GJC1: variants seen among roughly 807,000 people sequenced by gnomAD.
GJC1 encodes gap junction protein gamma 1.
GJC1 carries 5 observed loss-of-function variants against 29.3 expected under a neutral mutation model. That is an observed-to-expected ratio of 0.17 (90% CI 0.09 to 0.36). The LOEUF is 0.36. Ranked by LOEUF, GJC1 falls within the 10% of genes least tolerant of loss-of-function variation. The pLI, the probability that GJC1 is intolerant of heterozygous loss-of-function variation, is 1.00. For missense variants in GJC1, 310 were observed against 496.2 expected (o/e 0.62, Z 3.56); for synonymous variants, 177 against 183.3 (o/e 0.97, Z 0.28).
chr17:44,825,071 G>T lies in GJC1; in HGVS notation c.-97+4991C>A, dbSNP rs1472984791. On this transcript the variant is annotated intron_variant, in intron 1 of 2. Coordinates refer to ENST00000592524, the MANE Select transcript of GJC1 (RefSeq NM_005497.4). Reference sequence around the variant, plus strand: ...CAAAAAAAATTTTAAAATTAACTGGGCGTGGTGGCGGTGTGGGCCTGTGGT... The same window carrying T: ...CAAAAAAAATTTTAAAATTAACTGGTCGTGGTGGCGGTGTGGGCCTGTGGT... 7.3e-5 allele frequency among the ~76,000 whole-genome samples: 11 copies of T among 151,066 alleles called. No homozygotes were observed. In the East Asian group the frequency reaches 2.1e-3, roughly 29 times the overall value.
At chr17:44,823,637 A>C (rs185803262) in intron 1 of GJC1, among the ~76,000 whole-genome samples, 1 of 151,686 alleles carries the variant, frequency 6.6e-6, no homozygotes, top group East Asian at 1.9e-4. Flanking sequence ...TCCTGGACTC[A>C]AGCAATCCTC....
At chr17:44,820,848 T>C (rs999381348) in intron 1 of GJC1, among the ~76,000 whole-genome samples, 6 of 152,212 alleles carry the variant, frequency 3.9e-5, no homozygotes, top group Admixed American at 1.3e-4. Flanking sequence ...TGAGTGATAA[T>C]AGATGTTTAA....
chr17:44,819,707 A>T (rs922034876), intron 1 of GJC1, among the ~76,000 whole-genome samples: 17 of 145,900 alleles, frequency 1.2e-4, no homozygotes, highest in African/African-American at 4.4e-4. Flanking sequence ...AATAAATAAA[A>T]AGAATTTCCT....
At chr17:44,830,682 C>T, upstream of GJC1, 1 of 398,622 alleles carries the variant, frequency 2.5e-6, no homozygotes, top group African/African-American at 2.1e-5. This position sits in a 1 kb window ranked among gnomAD's most constrained non-coding sequence, Gnocchi z 4.3. Context: ...TTGTCTTCTG[C>T]GCGCTCCGCC....
intron 1 of GJC1, among the ~76,000 whole-genome samples, chr17:44,809,404 G>A (rs2049947795): frequency 1.3e-5 from 2 of 152,082 alleles, no homozygotes; most frequent in Non-Finnish European, 2.9e-5. Flanking sequence ...TGTAAGCCAG[G>A]TTTCCAACAT....
chr17:44,819,227 A>C (rs1235668568), intron 1 of GJC1, among the ~76,000 whole-genome samples: 1 of 152,038 alleles, frequency 6.6e-6, no homozygotes, highest in Non-Finnish European at 1.5e-5. Context: ...CCTGGCAATC[A>C]CCATTCTACT....
chr17:44,825,427 GGTGAGCCGAGA>G (rs1006762780), intron 1 of GJC1, among the ~76,000 whole-genome samples: 21 of 151,864 alleles, frequency 1.4e-4, no homozygotes, highest in African/African-American at 4.6e-4. Context: ...CAGAGGTTGC[GGTGAGCCGAGA>G]TTGCGCGACT....
intron 1 of GJC1, among the ~76,000 whole-genome samples, chr17:44,813,484 C>CTTTTTTTTT (rs35299072): frequency 1.2e-5 from 1 of 80,504 alleles, no homozygotes; most frequent in Admixed American, 1.7e-4. Context: ...TTCCAAGTTA[C>CTTTTTTTTT]TTTTTTTTTT....
At position 44,803,157 on chromosome 17, in the gene GJC1, C is replaced by A. The variant is rs977012009; in HGVS notation, c.*1470G>T. ...AAGATATAAAAAATATTCATACTTT[C>A]AGAATTTCCAAGTCAGAGGTGGCTT... On this transcript the variant is annotated 3_prime_UTR_variant, in exon 3 of 3. Coordinates refer to ENST00000592524, the MANE Select transcript of GJC1 (RefSeq NM_005497.4). 2.6e-5 allele frequency: 4 copies of A among 152,114 alleles called. No homozygotes were observed. Among genetic ancestry groups the A allele is most frequent in the Non-Finnish European group, 5.9e-5 (4 of 68,020 alleles). 9.4% of individuals were successfully genotyped at this position (152,114 alleles called of 1,614,324 possible).
intron 2 of GJC1, among the ~76,000 whole-genome samples, chr17:44,806,398 TTTG>T (rs1446208701): frequency 5.3e-5 from 6 of 113,124 alleles, no homozygotes; most frequent in East Asian, 2.4e-4. Context: ...GGTTCTTCTG[TTTG>T]TTTTTTTTTT....
At chr17:44,824,618 GCT>G (rs2050148869) in intron 1 of GJC1, among the ~76,000 whole-genome samples, 1 of 151,770 alleles carries the variant, frequency 6.6e-6, no homozygotes, top group Non-Finnish European at 1.5e-5. Context: ...ACACAGTGAG[GCT>G]CTGTCTCAAA....
Position 44,805,042 on chromosome 17 carries a change from C to T in GJC1, c.776G>A (p.Arg259Gln), listed in dbSNP as rs2049896796. 5 of 1,613,860 alleles carry T rather than the reference C, an allele frequency of 3.1e-6. No individual in the cohort carries two copies. Among genetic ancestry groups the T allele is most frequent in the Admixed American group, 1.7e-5 (1 of 59,996 alleles). The change falls in exon 3 of 3, where the codon CGA (arginine) becomes CAA (glutamine). Residue 259 changes from arginine to glutamine, a missense_variant. Arg to Gln is a conservative substitution (Grantham distance 43). This residue lies in a region of GJC1 where 45 missense variants were observed against 126.2 expected (regional missense o/e 0.36). Coordinates refer to ENST00000592524, the MANE Select transcript of GJC1 (RefSeq NM_005497.4). This position sits in a 1 kb window ranked among gnomAD's most constrained non-coding sequence, Gnocchi z 5.1. ...CCTCCTTTTACTGTTTAGTGAGTCTCGAATGGTCCCAAACCCTAAATGAAG... is the reference window on the plus strand; with the variant it reads ...CCTCCTTTTACTGTTTAGTGAGTCTTGAATGGTCCCAAACCCTAAATGAAG... ...EMLHLGFGTI[R>Q]DSLNSKRREL...
downstream of GJC1, chr17:44,794,353 C>G (rs1332276010): frequency 2.0e-5 from 3 of 152,262 alleles, no homozygotes; most frequent in East Asian, 5.8e-4. Flanking sequence ...ATCCACGGAA[C>G]AATTTGCACT....
At chr17:44,816,559 T>C (rs1409350189) in intron 1 of GJC1, among the ~76,000 whole-genome samples, 1 of 152,162 alleles carries the variant, frequency 6.6e-6, no homozygotes, top group African/African-American at 2.4e-5. Flanking sequence ...TGGAGTGCAA[T>C]GGCGAAGTCT....
chr17:44,810,154 G>A (rs1373219816), intron 1 of GJC1, among the ~76,000 whole-genome samples: 1 of 151,662 alleles, frequency 6.6e-6, no homozygotes. Flanking sequence ...GAGCCACCAC[G>A]CCCAGCTAAT....
chr17:44,822,196 C>CAAAAAAAAAAAAAAAAAAAAAAAAAA (rs59152296), intron 1 of GJC1, among the ~76,000 whole-genome samples: 1 of 47,564 alleles, frequency 2.1e-5, no homozygotes, highest in Non-Finnish European at 4.1e-5. Flanking sequence ...GACTCCGTCT[C>CAAAAAAAAAAAAAAAAAAAAAAAAAA]AAAAAAAAAA....
downstream of GJC1, among the ~76,000 whole-genome samples, chr17:44,796,242 C>T (rs2049782673): frequency 1.3e-5 from 2 of 152,148 alleles, no homozygotes; most frequent in Non-Finnish European, 2.9e-5. Context: ...CACTTCCCTT[C>T]CCCCCTTCCA....
At chr17:44,795,131 T>C (rs1316594125), downstream of GJC1, 4 of 152,230 alleles carry the variant, frequency 2.6e-5, no homozygotes, top group East Asian at 7.7e-4. Flanking sequence ...AGGAGAAATA[T>C]CTAAGTAATG....
intron 1 of GJC1, 139 bp downstream of exon 1, chr17:44,829,923 C>G (rs1226448290): frequency 6.6e-6 from 1 of 152,206 alleles, no homozygotes; most frequent in African/African-American, 2.4e-5. Flanking sequence ...CTCCTTCTCC[C>G]GCTCTGGCCG....
Sources: gnomAD v4.1 joint callset for allele counts (sites outside exome capture counted in the v4.1 genomes callset) on GRCh38, gnomAD v4.1.1 for gene constraint, gnomAD v4.1.1 regional missense constraint, Gnocchi (gnomAD v3.1) non-coding constraint, MANE v1.5 for transcripts, NCBI Gene and HGNC (gene_info 2026-07-23, HGNC 2026-07-21) for gene names.